The following UNKL variants were observed in gnomAD, a reference collection of about 807,000 sequenced individuals.
UNKL encodes putative E3 ubiquitin-protein ligase UNKL.
In UNKL, 60 loss-of-function variants were observed where a neutral mutation model predicts 78.0. The ratio of observed to expected loss-of-function variants is 0.77; its 90% CI spans 0.63 to 0.95. UNKL has a LOEUF of 0.95. Ranked by LOEUF, UNKL falls within the 40% of genes least tolerant of loss-of-function variation. UNKL has a pLI of 0.00. For synonymous variants in UNKL, 608 were observed against 474.8 expected (o/e 1.28, Z -3.65); for missense variants, 1,159 against 1,045.7 (o/e 1.11, Z -1.49).
intron 9 of UNKL, 110 bp from the exon 10 acceptor site, chr16:1,385,495 T>A (rs1446081347): frequency 8.7e-7 from 1 of 1,153,532 alleles, no homozygotes; most frequent in Non-Finnish European, 1.1e-6. Context: ...TTCTACGCCC[T>A]GGCGAGGCCC....
rs2037431367 is a variant in UNKL, at chr16:1,399,648, C to T, written c.599-139G>A. On this transcript the variant is annotated intron_variant, in intron 4 of 14. Transcript: ENST00000389221. This position sits in a 1 kb window ranked among gnomAD's most constrained non-coding sequence, Gnocchi z 5.8. ...ACTTGGGGAGCGCAGACACACGCCA[C>T]GGCACACGCTGATGTCAAAGGACTC... is the stretch of plus-strand genomic sequence containing the variant. 1.7e-5 allele frequency: 22 copies of T among 1,274,464 alleles called. No individual in the cohort carries two copies. The South Asian group carries it at 1.8e-4, about 11-fold the overall frequency. The allele number at this position is 1,274,464 out of a possible 1,614,324, so 78.9% of individuals were successfully genotyped here. A position where few individuals can be genotyped will look rare whatever the true frequency, so the allele number is the denominator to read the frequency against.
chr16:1,377,108 C>T (rs1300342871), intron 10 of UNKL, among the ~76,000 whole-genome samples: 6 of 152,080 alleles, frequency 3.9e-5, no homozygotes, highest in South Asian at 4.1e-4. Flanking sequence ...CTGCAACCTC[C>T]GCCTCCCAGG....
rs368401138 is a variant in UNKL at position 1,367,791 on chromosome 16, G to C, written c.1653C>G (p.Pro551=). ...AGGATGGGGGGCCGGCACTCAGGATGGGGGAGGGGCTGGGGGAGAAGCTGC... is the reference window on the plus strand; with the variant it reads ...AGGATGGGGGGCCGGCACTCAGGATCGGGGAGGGGCTGGGGGAGAAGCTGC... ...VSGSFSPSPS[P]ILSAGPPSSS... Residue 551 remains proline (P), a synonymous_variant, in exon 13 of 15, where the codon CCC becomes CCG. Transcript: ENST00000389221. 1.8e-4 allele frequency: 277 copies of C among 1,575,058 alleles called. No individual in the cohort carries two copies. The Middle Eastern group carries it at 2.0e-3, about 11-fold the overall frequency.
chr16:1,367,092 G>T lies in UNKL; in HGVS notation c.2046C>A (p.Gly682=). ...TCACCCTGCCCAGAGCAGGACTCAC[G>T]CCGTCCACCGCCTCCAGGTCCAGGC... ...QLRLDLEAVD[G]VIFQLRAKQC... The change falls in exon 14 of 15, where the codon GGC becomes GGA. Residue 682 remains glycine (G), a splice_region_variant and synonymous_variant. Transcript: ENST00000389221. The T allele has an allele frequency of 6.4e-7, 1 of 1,552,456 alleles. No homozygotes were observed. The highest frequency in any genetic ancestry group is 8.7e-7 in the Non-Finnish European group (1 of 1,153,388).
intron 12 of UNKL, 106 bp from the exon 13 acceptor site, chr16:1,367,964 G>A (rs2035448436): frequency 5.9e-6 from 6 of 1,024,984 alleles, no homozygotes; most frequent in Middle Eastern, 6.4e-4. Context: ...GCACCCTCTG[G>A]GGCTCACCTG....
intron 6 of UNKL, among the ~76,000 whole-genome samples, chr16:1,396,817 C>G (rs1014546862): frequency 2.6e-5 from 4 of 152,188 alleles, no homozygotes; most frequent in African/African-American, 9.7e-5. Flanking sequence ...ATCTCTTGAT[C>G]TCGTTATCCA....
intron 9 of UNKL, among the ~76,000 whole-genome samples, chr16:1,389,855 G>A (rs141504601): frequency 1.3e-5 from 2 of 152,166 alleles, no homozygotes; most frequent in Non-Finnish European, 2.9e-5. Context: ...TCACTCTGTC[G>A]CCCAGGCTGG....
At chr16:1,402,405 G>A (rs1322439445) in intron 3 of UNKL, among the ~76,000 whole-genome samples, 1 of 152,114 alleles carries the variant, frequency 6.6e-6, no homozygotes, top group Non-Finnish European at 1.5e-5. Context: ...GCTCACGTCT[G>A]TAATCCCAGA....
chr16:1,392,820 C>T (rs559995715), intron 8 of UNKL, 71 bp downstream of exon 8: 3 of 1,504,134 alleles, frequency 2.0e-6, no homozygotes, highest in African/African-American at 2.8e-5. Flanking sequence ...AACTCATATC[C>T]ATCCACATCC....
At chr16:1,406,015 G>C in intron 2 of UNKL, 1 of 456,742 alleles carries the variant, frequency 2.2e-6, no homozygotes, top group Non-Finnish European at 4.4e-6. Flanking sequence ...CCCCCAGCTG[G>C]TGTGGACGAG....
chr16:1,401,471 C>A (rs945753984), intron 4 of UNKL, 97 bp downstream of exon 4: 2 of 1,340,686 alleles, frequency 1.5e-6, no homozygotes, highest in Admixed American at 3.0e-5. Context: ...TCACCTTGCA[C>A]GTAAACTGAA....
chr16:1,391,849 G>C (rs13332376), intron 8 of UNKL, among the ~76,000 whole-genome samples: 1 of 152,136 alleles, frequency 6.6e-6, no homozygotes, highest in Middle Eastern at 3.4e-3. Context: ...CACCACGCCC[G>C]GCTAATTTGT....
In UNKL at chr16:1,403,131, A is replaced by G; in HGVS notation, c.464+37T>C. ...CTCATCCAGCAGAGCCCACAGCAGC[A>G]GGCAGGCCAAGTGCCCACTCGTGGA... On this transcript the variant is annotated intron_variant, in intron 3 of 14. Coordinates refer to ENST00000389221, the MANE Select transcript of UNKL (RefSeq NM_001372107.1). This position sits in a 1 kb window ranked among gnomAD's most constrained non-coding sequence, Gnocchi z 4.8. The G allele has an allele frequency of 6.3e-7, 1 of 1,583,596 alleles. No homozygotes were observed. Among genetic ancestry groups the G allele is most frequent in the Non-Finnish European group, 8.6e-7 (1 of 1,164,458 alleles).
intron 2 of UNKL, chr16:1,408,892 G>A (rs1336627233): frequency 6.6e-6 from 1 of 152,062 alleles, no homozygotes; most frequent in Non-Finnish European, 1.5e-5. Context: ...TAAAATAACA[G>A]GTTGGTAGTA....
intron 2 of UNKL, among the ~76,000 whole-genome samples, chr16:1,413,624 G>A (rs990867280): frequency 1.2e-4 from 19 of 152,242 alleles, no homozygotes; most frequent in African/African-American, 4.6e-4. Flanking sequence ...AGTCACACAA[G>A]GGTTACCCCT....
In UNKL at chr16:1,401,527, G is replaced by A. The variant is rs746075850; in HGVS notation, c.598+41C>T. The A allele has an allele frequency of 2.5e-5, 35 of 1,405,902 alleles. No homozygotes were observed. The Admixed American group carries it at 3.2e-4, about 13-fold the overall frequency. 87.1% of individuals were successfully genotyped at this position (1,405,902 alleles called of 1,614,324 possible). A position where few individuals can be genotyped will look rare whatever the true frequency, so the allele number is the denominator to read the frequency against. On this transcript the variant is annotated intron_variant, in intron 4 of 14. Coordinates refer to ENST00000389221, the MANE Select transcript of UNKL (RefSeq NM_001372107.1). ...CCCGAGCTGTTCTCGCGCTGTGCCC[G>A]CCCCCCCCACCACCGCCCTCAGCTG...
chr16:1,398,679 G>A, intron 5 of UNKL: 2 of 1,356,388 alleles, frequency 1.5e-6, no homozygotes, highest in Non-Finnish European at 9.5e-7. Context: ...TGTGGGGTCT[G>A]CACCCCCCCA....
chr16:1,381,296 A>T (rs2036597666), intron 10 of UNKL, among the ~76,000 whole-genome samples: 1 of 152,218 alleles, frequency 6.6e-6, no homozygotes, highest in Non-Finnish European at 1.5e-5. Context: ...AACTTTATTT[A>T]AAAAGAATGT....
rs944726267 is a variant in UNKL at position 1,379,667 on chromosome 16, G to A, written c.1264+5541C>T. 3.1e-5 allele frequency: 31 copies of A among 984,286 alleles called. No individual in the cohort carries two copies. The African/African-American group carries it at 4.9e-4, about 16-fold the overall frequency. The allele number at this position is 984,286 out of a possible 1,614,324, so 61.0% of individuals were successfully genotyped here. On this transcript the variant is annotated intron_variant, in intron 10 of 14. Transcript: ENST00000389221. Reference sequence around the variant, plus strand: ...TCACGGTCCGCGGCCGCCCCGCGCCGCCGCCGGGGATTCAAACCCGGCCCG... The same window carrying A: ...TCACGGTCCGCGGCCGCCCCGCGCCACCGCCGGGGATTCAAACCCGGCCCG...
Sources: gnomAD v4.1 joint callset for allele counts (sites outside exome capture counted in the v4.1 genomes callset) on GRCh38, gnomAD v4.1.1 for gene constraint, Gnocchi (gnomAD v3.1) non-coding constraint, MANE v1.5 for transcripts, NCBI Gene and HGNC (gene_info 2026-07-23, HGNC 2026-07-21) for gene names.